NOC4L: variants seen among roughly 807,000 people sequenced by gnomAD.
NOC4L encodes nucleolar complex associated 4 homolog.
NOC4L carries 40 observed loss-of-function variants against 62.8 expected under a neutral mutation model. That is an observed-to-expected ratio of 0.64 (90% CI 0.49 to 0.83). The LOEUF (loss-of-function observed/expected upper bound fraction) is 0.83, where lower values mean the gene tolerates loss of function less well. Among genes scored for constraint, NOC4L ranks in the 40% least tolerant of loss-of-function variants. The pLI, the probability that NOC4L is intolerant of heterozygous loss-of-function variation, is 0.00. For synonymous variants in NOC4L, 433 were observed against 299.8 expected (o/e 1.44, Z -4.59); for missense variants, 927 against 701.9 (o/e 1.32, Z -3.62).
Position 132,151,777 on chromosome 12 carries a change from C to T in NOC4L, c.1274C>T (p.Pro425Leu), listed in dbSNP as rs1421607238. The T allele has an allele frequency of 2.5e-6, 4 of 1,612,258 alleles. No homozygotes were observed. The highest frequency in any genetic ancestry group is 2.5e-6 in the Non-Finnish European group (3 of 1,179,832). Residue 425 changes from proline to leucine, a missense_variant, in exon 13 of 15, where the codon CCA (proline) becomes CTA (leucine). Transcript: ENST00000330579. ...ADPYDPGEEDPAQSRALESSL... is the reference protein window; with the variant it reads ...ADPYDPGEEDLAQSRALESSL... ...CCCTACGACCCTGGAGAGGAGGACCCAGCCCAGAGCCGGGCCTTGGAGAGC... is the reference window on the plus strand; with the variant it reads ...CCCTACGACCCTGGAGAGGAGGACCTAGCCCAGAGCCGGGCCTTGGAGAGC...
intron 2 of NOC4L, 27 bp from the exon 3 acceptor site, chr12:132,145,532 G>T: frequency 6.5e-7 from 1 of 1,533,996 alleles, no homozygotes; most frequent in Non-Finnish European, 9.0e-7. Flanking sequence ...GGCCTCACGT[G>T]GGCTGACCAC....
chr12:132,151,031 A>G lies in NOC4L; in HGVS notation c.952A>G (p.Lys318Glu). 1.9e-6 allele frequency: 3 copies of G among 1,611,094 alleles called. No homozygotes were observed. The highest frequency in any genetic ancestry group is 2.5e-6 in the Non-Finnish European group (3 of 1,179,012). The change falls in exon 10 of 15, where the codon AAA becomes GAA. Residue 318 changes from lysine to glutamate, a missense_variant. Physicochemically the swap from Lys to Glu is moderately conservative, Grantham distance 56 (BLOSUM62 1). Coordinates refer to ENST00000330579, the MANE Select transcript of NOC4L (RefSeq NM_024078.3). ...ALNGLFILIH[K>E]HNLEYPDFYR... is the part of the protein sequence containing the mutation. ...GAACGGGCTGTTCATCTTGATTCAC[A>G]AACACAACCTGTGAGTGTCACCAGG...
At chr12:132,147,485 G>C (rs1897768035) in intron 4 of NOC4L, 97 bp downstream of exon 4, 1 of 1,449,672 alleles carries the variant, frequency 6.9e-7, no homozygotes, top group African/African-American at 1.4e-5. Context: ...GCTGAGCCTG[G>C]CTGTTGGCTG....
At chr12:132,150,956 C>G (rs1174099331) in intron 9 of NOC4L, 25 bp from the exon 10 acceptor site, 6 of 1,586,106 alleles carry the variant, frequency 3.8e-6, no homozygotes, top group East Asian at 2.2e-5. Context: ...CACTGCAGCT[C>G]CAGCCTGTGT....
chr12:132,144,535 G>T lies in NOC4L; in HGVS notation c.47G>T (p.Arg16Leu). 6.6e-7 allele frequency: 1 copy of T among 1,517,702 alleles called. No homozygotes were observed. Among genetic ancestry groups the T allele is most frequent in the Admixed American group, 2.0e-5 (1 of 49,324 alleles). 94.0% of individuals were successfully genotyped at this position (1,517,702 alleles called of 1,614,324 possible). The change falls in exon 1 of 15, where the codon CGC becomes CTC. Residue 16 changes from arginine to leucine, a missense_variant. Transcript: ENST00000330579. ...GAAGVRRALG[R>L]RLEAVLASRS... ...GCGGGAGTTCGCCGGGCTCTGGGCC[G>T]CCGGCTGGAGGCGGTGCTGGCGAGC...
Position 132,144,578 on chromosome 12 carries a change from C to T in NOC4L, c.90C>T (p.Ala30=), listed in dbSNP as rs1481782976. ...AVLASRSEAN[A]VFDILAVLQS... Reference sequence around the variant, plus strand: ...TGGCGAGCCGCAGTGAGGCCAACGCCGTGTTCGACATCCTGGCCGTGCTGC... The same window carrying T: ...TGGCGAGCCGCAGTGAGGCCAACGCTGTGTTCGACATCCTGGCCGTGCTGC... Residue 30 remains alanine, a synonymous_variant, in exon 1 of 15, where the codon GCC becomes GCT. Coordinates refer to ENST00000330579, the MANE Select transcript of NOC4L (RefSeq NM_024078.3). The T allele has an allele frequency of 2.6e-6, 4 of 1,523,620 alleles. No individual in the cohort carries two copies. The East Asian group carries it at 7.6e-5, about 29-fold the overall frequency. 94.4% of individuals were successfully genotyped at this position (1,523,620 alleles called of 1,614,324 possible).
At chr12:132,152,000 T>C in intron 13 of NOC4L, 84 bp from the exon 14 acceptor site, 1 of 1,388,162 alleles carries the variant, frequency 7.2e-7, no homozygotes, top group Non-Finnish European at 9.8e-7. Flanking sequence ...CCGCCCACTC[T>C]GGTTGGGAGC....
rs564614382 is a variant in NOC4L at position 132,145,828 on chromosome 12, A to G, written c.345+163A>G. 1.1e-4 allele frequency among the ~76,000 whole-genome samples: 17 copies of G among 152,324 alleles called. 1 individual carries two copies. The East Asian group carries it at 2.7e-3, about 24-fold the overall frequency. ...TTCAGTCCCATTCAGAAACATGGCT[A>G]TCGAGTCCTGTAGTGAATATTGAAG... On this transcript the variant is annotated intron_variant, in intron 3 of 14. Transcript: ENST00000330579.
At chr12:132,148,687 G>A (rs1272371015) in intron 8 of NOC4L, 28 bp downstream of exon 8, 10 of 1,535,628 alleles carry the variant, frequency 6.5e-6, no homozygotes, top group East Asian at 2.5e-5. Context: ...GAGGGGGCGG[G>A]GGCGGCATCC....
At position 132,144,470 on chromosome 12, in the gene NOC4L, G is replaced by T; in HGVS notation, c.-19G>T. The stretch of plus-strand genomic sequence containing the variant: ...GCGCCGGCGGCTGAGAATCCGCGTT[G>T]TTCCGTGTTGGGGGCGGCATGGAGC... On this transcript the variant is annotated 5_prime_UTR_variant, in exon 1 of 15. Coordinates refer to ENST00000330579, the MANE Select transcript of NOC4L (RefSeq NM_024078.3). 6.6e-7 allele frequency: 1 copy of T among 1,507,826 alleles called. No homozygotes were observed. Among genetic ancestry groups the T allele is most frequent in the Non-Finnish European group, 8.8e-7 (1 of 1,141,736 alleles). 93.4% of individuals were successfully genotyped at this position (1,507,826 alleles called of 1,614,324 possible). A position where few individuals can be genotyped will look rare whatever the true frequency, so the allele number is the denominator to read the frequency against.
chr12:132,151,285 C>G lies in NOC4L; in HGVS notation c.990C>G (p.Leu330=). ...NLEYPDFYRK[L]YGLLDPSVFH... ...AGTACCCTGACTTCTACCGGAAGCT[C>G]TACGGCCTCTTGGACCCCTCTGTCT... The change falls in exon 11 of 15, where the codon CTC becomes CTG. Residue 330 remains leucine, a synonymous_variant. Transcript: ENST00000330579. 2 of 1,612,018 alleles carry G rather than the reference C, an allele frequency of 1.2e-6. No homozygotes were observed. Among genetic ancestry groups the G allele is most frequent in the Non-Finnish European group, 1.7e-6 (2 of 1,179,952 alleles).
At chr12:132,146,760 C>T (rs1171564780) in intron 3 of NOC4L, among the ~76,000 whole-genome samples, 2 of 152,152 alleles carry the variant, frequency 1.3e-5, no homozygotes, top group Admixed American at 6.5e-5. Flanking sequence ...CTGCGATTGG[C>T]TGGAGGGAGA....
chr12:132,148,470 A>G, intron 7 of NOC4L, 139 bp from the exon 8 acceptor site: 2 of 914,622 alleles, frequency 2.2e-6, no homozygotes. Flanking sequence ...GAATGGGGAC[A>G]GGAAGAAGGA....
At position 132,152,332 on chromosome 12, in the gene NOC4L, G is replaced by A; in HGVS notation, c.1482G>A (p.Glu494=). 6.4e-7 allele frequency: 1 copy of A among 1,568,122 alleles called. No individual in the cohort carries two copies. The change falls in exon 15 of 15, where the codon GAG becomes GAA. Residue 494 remains glutamate (E), a synonymous_variant. Coordinates refer to ENST00000330579, the MANE Select transcript of NOC4L (RefSeq NM_024078.3). ...AGGGGCCCGAGCCGGTGCCACTGGA[G>A]TTTATCCCAGCCCAGGGCCTGCTGG... ...KKKGPEPVPL[E]FIPAQGLLGR... is the part of the protein sequence containing the mutation.
In NOC4L at chr12:132,148,428, C is replaced by G. The variant is rs550413074; in HGVS notation, c.739-181C>G. Among the ~76,000 whole-genome samples the G allele has an allele frequency of 5.3e-5, 8 of 152,338 alleles. No homozygotes were observed. The East Asian group carries it at 9.7e-4, about 18-fold the overall frequency. On this transcript the variant is annotated intron_variant, in intron 7 of 14. Coordinates refer to ENST00000330579, the MANE Select transcript of NOC4L (RefSeq NM_024078.3). ...AGCTGCTTTCTTGGCTGTTCTGAGACTCCAGCCTCGAGGGCAAGGCGTACC... is the reference window on the plus strand; with the variant it reads ...AGCTGCTTTCTTGGCTGTTCTGAGAGTCCAGCCTCGAGGGCAAGGCGTACC...
At chr12:132,150,845 G>A (rs953960713) in intron 9 of NOC4L, 136 bp from the exon 10 acceptor site, 1 of 688,430 alleles carries the variant, frequency 1.5e-6, no homozygotes, top group East Asian at 2.5e-5. Context: ...GTGGTCTCCA[G>A]CTTTGTGTCC....
chr12:132,148,845 T>A lies in NOC4L; in HGVS notation c.851T>A (p.Leu284Gln). Residue 284 changes from leucine to glutamine, a missense_variant, in exon 9 of 15, where the codon CTG becomes CAG. Physicochemically the swap from Leu to Gln is moderately radical, Grantham distance 113. Coordinates refer to ENST00000330579, the MANE Select transcript of NOC4L (RefSeq NM_024078.3). The part of the protein sequence containing the change: ...LIVHDAILPQ[L>Q]AQPTLMIDFL... ...GTGCATGACGCCATCCTGCCGCAGC[T>A]GGCGCAGCCCACGCTCATGATCGAC... The A allele has an allele frequency of 6.2e-7, 1 of 1,602,834 alleles. No individual in the cohort carries two copies. Among genetic ancestry groups the A allele is most frequent in the Non-Finnish European group, 8.5e-7 (1 of 1,178,696 alleles).
intron 9 of NOC4L, 41 bp from the exon 10 acceptor site, chr12:132,150,940 C>A (rs778432194): frequency 4.7e-6 from 7 of 1,484,870 alleles, no homozygotes; most frequent in African/African-American, 2.7e-5. Context: ...AGGGTGGGAG[C>A]GAGGTCACTG....
At chr12:132,145,489 A>G (rs1415456983) in intron 2 of NOC4L, 70 bp from the exon 3 acceptor site, 16 of 1,033,470 alleles carry the variant, frequency 1.5e-5, no homozygotes, top group East Asian at 2.4e-5. Context: ...GCCAGGCCTG[A>G]GATTTTGGGC....
Sources: allele counts gnomAD v4.1 joint callset (sites outside exome capture counted in the v4.1 genomes callset), GRCh38; gene constraint gnomAD v4.1.1; transcripts MANE v1.5; gene names NCBI Gene and HGNC (gene_info 2026-07-23, HGNC 2026-07-21).